Variants in TMPRSS2 observed in about 807,000 individuals in gnomAD.
The protein encoded by TMPRSS2 is transmembrane protease serine 2.
A neutral mutation model predicts 67.4 loss-of-function variants in TMPRSS2; 59 were observed. That is an observed-to-expected ratio of 0.88 (90% confidence interval 0.71 to 1.09). The LOEUF (loss-of-function observed/expected upper bound fraction) is 1.09, where lower values mean the gene tolerates loss of function less well. Among genes scored for constraint, TMPRSS2 ranks in the 50% least tolerant of loss-of-function variants. The probability of loss-of-function intolerance (pLI) is 0.00; values close to 1 mark genes in which losing one functional copy is unlikely to be tolerated. For missense variants in TMPRSS2, 668 were observed against 642.7 expected (o/e 1.04, Z -0.43); for synonymous variants, 257 against 257.0 (o/e 1.00, Z 0.00).
intron 4 of TMPRSS2, 71 bp from the exon 5 acceptor site, chr21:41,488,584 A>G: frequency 6.6e-7 from 1 of 1,517,340 alleles, no homozygotes; most frequent in Non-Finnish European, 9.0e-7. Context: ...AGTGAGGAAC[A>G]CCGTGGCATT....
At chr21:41,467,419 T>C (rs966763229) in intron 13 of TMPRSS2, among the ~76,000 whole-genome samples, 3 of 145,412 alleles carry the variant, frequency 2.1e-5, no homozygotes, top group Non-Finnish European at 4.5e-5. Flanking sequence ...TGATGTGAGG[T>C]GGCCTGGGTG....
At chr21:41,505,553 C>T (rs2146514212) in intron 1 of TMPRSS2, among the ~76,000 whole-genome samples, 1 of 152,270 alleles carries the variant, frequency 6.6e-6, no homozygotes, top group Non-Finnish European at 1.5e-5. Context: ...GTCAGCCCTC[C>T]GCAGGCCCCC....
rs970516638 is a variant in TMPRSS2, at chr21:41,465,351, G to A, written c.*791C>T. 3.9e-5 allele frequency: 9 copies of A among 233,546 alleles called. No homozygotes were observed. Among genetic ancestry groups the A allele is most frequent in the East Asian group, 6.0e-5 (1 of 16,582 alleles). 14.5% of individuals were successfully genotyped at this position (233,546 alleles called of 1,614,324 possible). A position where few individuals can be genotyped will look rare whatever the true frequency, so the allele number is the denominator to read the frequency against. Reference sequence around the variant, plus strand: ...AGGCCAACATGGTGCCAGACTTGGCGCCCTGCCAGGACCAAGGGGCATGTG... The same window carrying A: ...AGGCCAACATGGTGCCAGACTTGGCACCCTGCCAGGACCAAGGGGCATGTG... On this transcript the variant is annotated 3_prime_UTR_variant, in exon 14 of 14. Coordinates refer to ENST00000332149, the MANE Select transcript of TMPRSS2 (RefSeq NM_005656.4).
At position 41,468,195 on chromosome 21, in the gene TMPRSS2, G is replaced by A. The variant is rs972746842; in HGVS notation, c.1314+201C>T. ...TTTTACCAAATACCGGTTTTTCAGA[G>A]GGTGTGTGTGATTTGTTGACTGTAC... On this transcript the variant is annotated intron_variant, in intron 12 of 13. Transcript: ENST00000332149. The A allele has an allele frequency of 3.5e-5, 23 of 656,702 alleles. No individual in the cohort carries two copies. In the African/African-American group the frequency reaches 3.8e-4, roughly 11 times the overall value. The allele number at this position is 656,702 out of a possible 1,614,324, so 40.7% of individuals were successfully genotyped here.
At chr21:41,503,647 C>T (rs1285806789) in intron 1 of TMPRSS2, among the ~76,000 whole-genome samples, 1 of 152,146 alleles carries the variant, frequency 6.6e-6, no homozygotes, top group Non-Finnish European at 1.5e-5. Flanking sequence ...AAGGTTCCAA[C>T]AATTAGAAAG....
At chr21:41,497,979 G>C (rs1304945319) in intron 2 of TMPRSS2, 140 bp downstream of exon 2, 2 of 637,006 alleles carry the variant, frequency 3.1e-6, no homozygotes, top group African/African-American at 3.7e-5. Context: ...TCTTTCTAGA[G>C]GGTGCCTTGA....
At chr21:41,466,315 G>A (rs922874356) in intron 13 of TMPRSS2, among the ~76,000 whole-genome samples, 162 bp from the exon 14 acceptor site, 21 of 152,246 alleles carry the variant, frequency 1.4e-4, no homozygotes, top group Non-Finnish European at 2.6e-4. Flanking sequence ...GTCAGAGTCA[G>A]GCTGAGCATG....
chr21:41,500,074 G>A (rs2091413635), intron 1 of TMPRSS2, among the ~76,000 whole-genome samples: 1 of 152,158 alleles, frequency 6.6e-6, no homozygotes. Context: ...GCAGCAGGCA[G>A]CACTGGGCAG....
At chr21:41,473,595 C>T in intron 8 of TMPRSS2, 99 bp from the exon 9 acceptor site, 4 of 1,335,858 alleles carry the variant, frequency 3.0e-6, no homozygotes, top group Non-Finnish European at 4.1e-6. Context: ...GCTGCAAGGA[C>T]AGGGCAGGGG....
chr21:41,486,683 C>T (rs1367231915), intron 5 of TMPRSS2: 1 of 152,192 alleles, frequency 6.6e-6, no homozygotes, highest in Non-Finnish European at 1.5e-5. Context: ...TCTGCAGAGC[C>T]CCATTCCGTA....
At chr21:41,468,265 T>C in intron 12 of TMPRSS2, 131 bp downstream of exon 12, 1 of 1,202,624 alleles carries the variant, frequency 8.3e-7, no homozygotes, top group Non-Finnish European at 1.2e-6. Flanking sequence ...TGGCCGTCAC[T>C]TCCCATGACT....
chr21:41,492,885 G>C (rs401371), intron 3 of TMPRSS2, among the ~76,000 whole-genome samples: 26,772 of 152,154 alleles, frequency 0.18, 2,725 homozygotes, highest in East Asian at 0.29. Context: ...CATTTCTTAG[G>C]GGGGTAGCTC....
intron 8 of TMPRSS2, among the ~76,000 whole-genome samples, chr21:41,475,916 G>A (rs899202679): frequency 6.6e-6 from 1 of 151,912 alleles, no homozygotes; most frequent in Non-Finnish European, 1.5e-5. Flanking sequence ...GCCGGGATGG[G>A]ACGGTGTCAG....
intron 1 of TMPRSS2, chr21:41,507,880 G>C (rs1311073480): frequency 2.0e-6 from 3 of 1,472,954 alleles, no homozygotes; most frequent in Admixed American, 2.2e-5. Flanking sequence ...CAGGCGCCCA[G>C]CACTCTCCCA....
chr21:41,473,287 C>T, intron 9 of TMPRSS2, 38 bp downstream of exon 9: 1 of 1,540,578 alleles, frequency 6.5e-7, no homozygotes, highest in Non-Finnish European at 8.8e-7. Context: ...GTAGGCCAGC[C>T]CTGAGCCCCC....
intron 1 of TMPRSS2, among the ~76,000 whole-genome samples, chr21:41,506,247 G>A (rs1021552462): frequency 1.3e-5 from 2 of 152,238 alleles, no homozygotes; most frequent in Non-Finnish European, 2.9e-5. Context: ...AATAAGGGAA[G>A]CTGCTGGGGA....
At chr21:41,507,862 A>AG in intron 1 of TMPRSS2, 1 of 1,403,512 alleles carries the variant, frequency 7.1e-7, no homozygotes, top group Non-Finnish European at 9.4e-7. Context: ...GCCGTGCGCA[A>AG]GGGGTCCCAG....
rs1260673706 is a variant in TMPRSS2, at chr21:41,473,367, A to T, written c.857T>A (p.Ile286Asn). 6.2e-7 allele frequency: 1 copy of T among 1,609,494 alleles called. No homozygotes were observed. The highest frequency in any genetic ancestry group is 8.5e-7 in the Non-Finnish European group (1 of 1,179,108). Residue 286 changes from isoleucine to asparagine, a missense_variant, in exon 9 of 14, where the codon ATC becomes AAC. Transcript: ENST00000332149. Reference sequence around the variant, plus strand: ...GGCTGTCACGATCCACTCGGGGGTGATGATGGAGCCTCCGCACACGTGGAC... The same window carrying T: ...GGCTGTCACGATCCACTCGGGGGTGTTGATGGAGCCTCCGCACACGTGGAC... The part of the protein sequence containing the change: ...QNVHVCGGSI[I>N]TPEWIVTAAH...
intron 13 of TMPRSS2, 36 bp downstream of exon 13, chr21:41,467,698 C>G (rs200395836): frequency 6.2e-7 from 1 of 1,607,580 alleles, no homozygotes; most frequent in Non-Finnish European, 8.5e-7. Context: ...CTCGAGGAAT[C>G]GGAGAACACA....
Sources: allele counts gnomAD v4.1 joint callset (sites outside exome capture counted in the v4.1 genomes callset), GRCh38; gene constraint gnomAD v4.1.1; transcripts MANE v1.5; gene names NCBI Gene and HGNC (gene_info 2026-07-23, HGNC 2026-07-21).